The following SASH1 variants were observed in gnomAD, a reference collection of about 807,000 sequenced individuals.
SASH1 encodes SAM and SH3 domain-containing protein 1.
SASH1 carries 44 observed loss-of-function variants against 125.2 expected under a neutral mutation model. That is an observed-to-expected ratio of 0.35 (90% CI 0.28 to 0.45). The LOEUF is 0.45. SASH1 is among the 20% of genes least tolerant of loss of function. The pLI, the probability that SASH1 is intolerant of heterozygous loss-of-function variation, is 1.00. For synonymous variants in SASH1, 639 were observed against 649.1 expected, an observed-to-expected ratio of 0.98 and a Z score of 0.24; for missense variants, 1,426 against 1,614.5, an observed-to-expected ratio of 0.88 and a Z score of 2.00.
chr6:148,499,782 T>TA (rs1218460234), intron 8 of SASH1, among the ~76,000 whole-genome samples: 2 of 152,226 alleles, frequency 1.3e-5, no homozygotes, highest in Admixed American at 6.5e-5. Flanking sequence ...GGTCAAGTAA[T>TA]ATGAAGCATT....
At chr6:148,350,172 C>T (rs1257618227) in intron 1 of SASH1, among the ~76,000 whole-genome samples, 1 of 152,052 alleles carries the variant, frequency 6.6e-6, no homozygotes, top group Non-Finnish European at 1.5e-5. Flanking sequence ...AAGGAAAAGG[C>T]GGCCAGGCAC....
At chr6:148,353,353 A>T (rs926722737) in intron 1 of SASH1, among the ~76,000 whole-genome samples, 4 of 152,028 alleles carry the variant, frequency 2.6e-5, no homozygotes, top group Admixed American at 2.0e-4. Flanking sequence ...ATGGGATTAC[A>T]AGTGTGAACC....
intron 2 of SASH1, among the ~76,000 whole-genome samples, chr6:148,399,236 T>G (rs1784076783): frequency 7.7e-6 from 1 of 129,602 alleles, no homozygotes; most frequent in Non-Finnish European, 1.7e-5. Context: ...TTTTTTTTTT[T>G]TTTTGAGTTT....
chr6:148,541,905 G>A (rs942645840), intron 17 of SASH1, among the ~76,000 whole-genome samples: 3 of 152,130 alleles, frequency 2.0e-5, no homozygotes, highest in Non-Finnish European at 2.9e-5. Flanking sequence ...AGATAGCCTC[G>A]GTCAAGACAG....
the SASH1 span, among the ~76,000 whole-genome samples, chr6:148,212,768 A>G: frequency 6.6e-6 from 1 of 152,240 alleles, no homozygotes; most frequent in African/African-American, 2.4e-5. Flanking sequence ...CCCCACAAGA[A>G]TCTTGAGAGG....
intron 8 of SASH1, among the ~76,000 whole-genome samples, chr6:148,500,575 G>T (rs1482526476): frequency 6.6e-6 from 1 of 152,180 alleles, no homozygotes; most frequent in Non-Finnish European, 1.5e-5. Flanking sequence ...AGATAAAGAG[G>T]TCACACAGTT....
chr6:148,326,982 T>C (rs1168099333), intron 1 of SASH1, among the ~76,000 whole-genome samples: 1 of 152,194 alleles, frequency 6.6e-6, no homozygotes, highest in Admixed American at 6.5e-5. Context: ...TGAAAATCTT[T>C]CCTTTTACTT....
At chr6:148,323,441 C>T (rs1400470514) in intron 1 of SASH1, among the ~76,000 whole-genome samples, 1 of 152,236 alleles carries the variant, frequency 6.6e-6, no homozygotes, top group African/African-American at 2.4e-5. Flanking sequence ...TGTGTACACT[C>T]ATTTGATAGT....
At chr6:148,346,350 ATTGT>A (rs1306612366) in intron 1 of SASH1, among the ~76,000 whole-genome samples, 1 of 152,170 alleles carries the variant, frequency 6.6e-6, no homozygotes, top group Non-Finnish European at 1.5e-5. Context: ...CTTTCAGATA[ATTGT>A]TAACAAAGTG....
chr6:148,424,977 A>G (rs1374967743), intron 2 of SASH1, among the ~76,000 whole-genome samples: 3 of 152,248 alleles, frequency 2.0e-5, no homozygotes, highest in Non-Finnish European at 4.4e-5. Context: ...AACCGCTGAC[A>G]GGGCTTATTG....
rs4052628 is a variant in SASH1, at chr6:148,499,057, G to GTTTTT, written c.729+11355_729+11359dup. On this transcript the variant is annotated intron_variant, in intron 8 of 19. Coordinates refer to ENST00000367467, the MANE Select transcript of SASH1 (RefSeq NM_015278.5). ...CCATTGTATCAAAATTCTTTTTTTT[G>GTTTTT]TTTTTTTTTTTTTTTTTGGAGATGG... is the stretch of plus-strand genomic sequence containing the variant. 2.0e-3 allele frequency among the ~76,000 whole-genome samples: 250 copies of GTTTTT among 127,068 alleles called. 1 individual carries two copies. The highest frequency in any genetic ancestry group is 2.5e-3 in the Non-Finnish European group (144 of 58,766). The allele number at this position is 127,068 out of a possible 152,430, so 83.4% of individuals were successfully genotyped here. A position where few individuals can be genotyped will look rare whatever the true frequency, so the allele number is the denominator to read the frequency against.
At chr6:148,245,705 G>A in the SASH1 span, among the ~76,000 whole-genome samples, 3 of 152,006 alleles carry the variant, frequency 2.0e-5, no homozygotes, top group Non-Finnish European at 2.9e-5. Context: ...ATTAAGCTGG[G>A]GGCCAGGTGC....
chr6:148,288,690 T>TACAC (rs10606943), intron 1 of SASH1, among the ~76,000 whole-genome samples: 11 of 150,834 alleles, frequency 7.3e-5, no homozygotes, highest in African/African-American at 1.9e-4. Flanking sequence ...CACGTGTATG[T>TACAC]ACACACACAC....
intron 2 of SASH1, among the ~76,000 whole-genome samples, chr6:148,417,783 C>G (rs1784888364): frequency 6.6e-6 from 1 of 151,704 alleles, no homozygotes; most frequent in Non-Finnish European, 1.5e-5. Flanking sequence ...TCAGATTACA[C>G]GTAACGAAAA....
At chr6:148,545,101 C>T (rs1224615750) in intron 18 of SASH1, among the ~76,000 whole-genome samples, 1 of 152,132 alleles carries the variant, frequency 6.6e-6, no homozygotes, top group Non-Finnish European at 1.5e-5. Context: ...CAAAAGAACC[C>T]TATTCAGATG....
intron 1 of SASH1, among the ~76,000 whole-genome samples, chr6:148,347,111 T>C (rs1200084160): frequency 6.6e-6 from 1 of 152,188 alleles, no homozygotes; most frequent in East Asian, 1.9e-4. Context: ...GTGTGGTAGA[T>C]CCTTTTTTCA....
chr6:148,240,523 C>T, the SASH1 span, among the ~76,000 whole-genome samples: 4 of 152,170 alleles, frequency 2.6e-5, no homozygotes, highest in Non-Finnish European at 5.9e-5. Context: ...GTGATGGAAC[C>T]CAGAATCTTG....
chr6:148,547,327 A>G (rs1227336530), intron 19 of SASH1, among the ~76,000 whole-genome samples: 1 of 152,168 alleles, frequency 6.6e-6, no homozygotes, highest in Non-Finnish European at 1.5e-5. Context: ...GATTTGTTAG[A>G]CAAAGGGATG....
chr6:148,320,887 A>T (rs1380738214), intron 1 of SASH1, among the ~76,000 whole-genome samples: 9 of 152,224 alleles, frequency 5.9e-5, no homozygotes, highest in Non-Finnish European at 1.2e-4. Flanking sequence ...GTCTGAGTCC[A>T]GTTTAGCCAC....
Sources: gnomAD v4.1 joint callset for allele counts (sites outside exome capture counted in the v4.1 genomes callset) on GRCh38, gnomAD v4.1.1 for gene constraint, MANE v1.5 for transcripts, NCBI Gene and HGNC (gene_info 2026-07-23, HGNC 2026-07-21) for gene names.